The following SUMF1 variants were observed in gnomAD, a reference collection of about 807,000 sequenced individuals.
SUMF1 encodes the protein formylglycine-generating enzyme.
In SUMF1, 48 loss-of-function variants were observed where a neutral mutation model predicts 47.6. The ratio of observed to expected loss-of-function variants is 1.01; its 90% CI spans 0.80 to 1.28. SUMF1 has a LOEUF of 1.28. Among genes scored for constraint, SUMF1 ranks in the 50% most tolerant of loss-of-function variants. The pLI is 0.00. For synonymous variants in SUMF1, 230 were observed against 192.1 expected, an observed-to-expected ratio of 1.20 and a Z score of -1.63; for missense variants, 571 against 485.4, an observed-to-expected ratio of 1.18 and a Z score of -1.66.
intron 7 of SUMF1, among the ~76,000 whole-genome samples, chr3:4,389,111 G>A (rs530682386): frequency 6.6e-6 from 1 of 152,078 alleles, no homozygotes; most frequent in East Asian, 1.9e-4. Flanking sequence ...TTCTGTTTAA[G>A]AACATTCCTT....
At chr3:4,059,910 G>A (rs975699935) in intron 9 of SUMF1, among the ~76,000 whole-genome samples, 2 of 152,124 alleles carry the variant, frequency 1.3e-5, no homozygotes, top group Non-Finnish European at 2.9e-5. Flanking sequence ...TGGAACAGGG[G>A]ACTGTATATG....
At chr3:4,169,817 G>C (rs1694793360) in intron 8 of SUMF1, among the ~76,000 whole-genome samples, 1 of 152,144 alleles carries the variant, frequency 6.6e-6, no homozygotes, top group Non-Finnish European at 1.5e-5. Context: ...ATAGTATCAG[G>C]CATTAAGGAC....
At chr3:4,448,459 C>T (rs923997378) in intron 3 of SUMF1, among the ~76,000 whole-genome samples, 8 of 152,134 alleles carry the variant, frequency 5.3e-5, no homozygotes, top group African/African-American at 7.2e-5. Context: ...GGCAGACCCC[C>T]GTTTCCTTCC....
chr3:4,102,809 T>G, intron 8 of SUMF1, among the ~76,000 whole-genome samples: 2 of 147,074 alleles, frequency 1.4e-5, no homozygotes, highest in East Asian at 2.0e-4. Flanking sequence ...AAGGAAGGAG[T>G]AGGGAAGAAG....
intron 8 of SUMF1, among the ~76,000 whole-genome samples, chr3:4,365,047 G>A: frequency 6.6e-6 from 1 of 151,836 alleles, no homozygotes; most frequent in Admixed American, 6.6e-5. Flanking sequence ...TCTTAATCCT[G>A]AGTTCTAGTT....
At chr3:4,186,558 G>A (rs913452031) in intron 8 of SUMF1, among the ~76,000 whole-genome samples, 1 of 152,028 alleles carries the variant, frequency 6.6e-6, no homozygotes, top group African/African-American at 2.4e-5. Context: ...AGTGGAAGCT[G>A]AAATAGAATG....
chr3:4,440,664 AG>A (rs1311598991), intron 3 of SUMF1, among the ~76,000 whole-genome samples: 1 of 152,252 alleles, frequency 6.6e-6, no homozygotes, highest in Non-Finnish European at 1.5e-5. Context: ...TTTTTACTGC[AG>A]GGGGAAAAAA....
Position 4,251,728 on chromosome 3 carries a change from C to A in SUMF1, c.1014+124602G>T, listed in dbSNP as rs571668662. Among the ~76,000 whole-genome samples the A allele has an allele frequency of 8.3e-4, 127 of 152,330 alleles. 1 individual carries two copies. Among genetic ancestry groups the A allele is most frequent in the Middle Eastern group, 3.4e-3 (1 of 294 alleles). On this transcript the variant is annotated intron_variant and NMD_transcript_variant, in intron 8 of 12. Coordinates refer to the SUMF1 transcript ENST00000448413. ...GATAGCATCTTCTTCTATTATAAGG[C>A]TGTTTTACCTACATTGAAAATCTGT...
intron 8 of SUMF1, among the ~76,000 whole-genome samples, chr3:4,196,750 C>T (rs1215076035): frequency 1.3e-5 from 2 of 152,160 alleles, no homozygotes; most frequent in Non-Finnish European, 2.9e-5. Context: ...TATTTCCTCA[C>T]CTGCAATGTA....
intron 8 of SUMF1, among the ~76,000 whole-genome samples, chr3:4,273,446 T>A (rs925961798): frequency 6.6e-6 from 1 of 152,038 alleles, no homozygotes; most frequent in Admixed American, 6.6e-5. Flanking sequence ...TCCATTTATA[T>A]GAAATGTCTA....
chr3:4,074,291 T>A (rs908363373), intron 8 of SUMF1, among the ~76,000 whole-genome samples: 1 of 152,042 alleles, frequency 6.6e-6, no homozygotes, highest in Non-Finnish European at 1.5e-5. Context: ...TTGAAACCAA[T>A]GAGAACAAAG....
At chr3:4,341,200 C>G (rs1699265430) in intron 8 of SUMF1, among the ~76,000 whole-genome samples, 1 of 151,806 alleles carries the variant, frequency 6.6e-6, no homozygotes, top group South Asian at 2.1e-4. Flanking sequence ...TTGTTCTCCT[C>G]AGTCACAAGT....
At chr3:4,329,213 G>A (rs1037687581) in intron 8 of SUMF1, among the ~76,000 whole-genome samples, 3 of 152,126 alleles carry the variant, frequency 2.0e-5, no homozygotes, top group African/African-American at 7.2e-5. Flanking sequence ...TCTGGAGGAC[G>A]GTGGCCCTCT....
chr3:4,099,971 G>T (rs1333073409), intron 8 of SUMF1, among the ~76,000 whole-genome samples: 1 of 151,506 alleles, frequency 6.6e-6, no homozygotes, highest in Non-Finnish European at 1.5e-5. Flanking sequence ...TAAATGGAAA[G>T]ATATCCCATG....
intron 8 of SUMF1, among the ~76,000 whole-genome samples, chr3:4,340,024 G>A (rs1179550858): frequency 3.3e-5 from 5 of 152,086 alleles, no homozygotes; most frequent in Admixed American, 6.6e-5. Flanking sequence ...GTTGTAGTGA[G>A]CCAAGATCGC....
intron 8 of SUMF1, among the ~76,000 whole-genome samples, chr3:4,295,998 C>G (rs1697842259): frequency 6.6e-6 from 1 of 151,968 alleles, no homozygotes. Context: ...AAAATGTAAA[C>G]TGCTGTCTTT....
At chr3:4,440,469 C>T (rs996588763) in intron 3 of SUMF1, among the ~76,000 whole-genome samples, 6 of 152,170 alleles carry the variant, frequency 3.9e-5, no homozygotes, top group African/African-American at 1.4e-4. Flanking sequence ...AACCCACACA[C>T]ATTCAGGTAA....
chr3:4,103,225 C>T (rs1693077505), intron 8 of SUMF1, among the ~76,000 whole-genome samples: 1 of 147,310 alleles, frequency 6.8e-6, no homozygotes. Context: ...GCCCGGCCAA[C>T]ACTTTTAAGC....
chr3:4,201,027 A>G (rs1043272687), intron 8 of SUMF1, among the ~76,000 whole-genome samples: 2 of 152,132 alleles, frequency 1.3e-5, no homozygotes, highest in Non-Finnish European at 2.9e-5. Flanking sequence ...GTAAATGTAT[A>G]TATTTATAAG....
Sources: gnomAD v4.1 joint callset for allele counts (sites outside exome capture counted in the v4.1 genomes callset) on GRCh38, gnomAD v4.1.1 for gene constraint, MANE v1.5 for transcripts, NCBI Gene and HGNC (gene_info 2026-07-23, HGNC 2026-07-21) for gene names.